The following HIGD1A variants were observed in gnomAD, a reference collection of about 807,000 sequenced individuals.
The protein encoded by HIGD1A is HIG1 hypoxia inducible domain family member 1A, also known as HIG1 domain family member 1A, mitochondrial.
HIGD1A carries 8 observed loss-of-function variants against 11.3 expected under a neutral mutation model. That is an observed-to-expected ratio of 0.71 (90% CI 0.42 to 1.28). The LOEUF is 1.28. Among genes scored for constraint, HIGD1A ranks in the 50% most tolerant of loss-of-function variants. HIGD1A has a pLI of 0.01. For synonymous variants in HIGD1A, 32 were observed against 38.4 expected (o/e 0.83, Z 0.62); for missense variants, 107 against 118.8 (o/e 0.90, Z 0.46).
rs746462774 is a variant in HIGD1A, at chr3:42,784,787, G to A, written c.*484C>T. The A allele has an allele frequency of 1.1e-3, 173 of 154,096 alleles. No individual in the cohort carries two copies. Among genetic ancestry groups the A allele is most frequent in the Non-Finnish European group, 9.4e-4 (65 of 69,174 alleles). 9.5% of individuals were successfully genotyped at this position (154,096 alleles called of 1,614,324 possible). On this transcript the variant is annotated 3_prime_UTR_variant, in exon 4 of 4. Transcript: ENST00000321331. ...CATGCATATATATTGTCAATTGTGGGAAGCTTTACAAGTTATATTCCATGC... is the reference window on the plus strand; with the variant it reads ...CATGCATATATATTGTCAATTGTGGAAAGCTTTACAAGTTATATTCCATGC...
intron 1 of HIGD1A, among the ~76,000 whole-genome samples, chr3:42,799,478 T>C (rs1212808629): frequency 6.6e-6 from 1 of 152,202 alleles, no homozygotes; most frequent in Non-Finnish European, 1.5e-5. Flanking sequence ...ATTTTTGTTT[T>C]ATGAGACAGG....
chr3:42,785,072 C>T lies in HIGD1A; in HGVS notation c.*199G>A, dbSNP rs1700333145. ...AGTTAACTTGACTTCCTTGAATGAC[C>T]TAGTTAGTAAACTAGTCACTAGTAA... On this transcript the variant is annotated 3_prime_UTR_variant, in exon 4 of 4. Transcript: ENST00000321331. The T allele has an allele frequency of 2.1e-6, 1 of 479,000 alleles. No individual in the cohort carries two copies. Among genetic ancestry groups the T allele is most frequent in the Non-Finnish European group, 3.8e-6 (1 of 262,072 alleles). The allele number at this position is 479,000 out of a possible 1,614,324, so 29.7% of individuals were successfully genotyped here.
intron 2 of HIGD1A, among the ~76,000 whole-genome samples, chr3:42,789,580 G>C (rs966585586): frequency 1.0e-5 from 1 of 97,238 alleles, no homozygotes; most frequent in Non-Finnish European, 2.3e-5. Context: ...AAAAAAAAAC[G>C]AAAAATCTCT....
intron 1 of HIGD1A, among the ~76,000 whole-genome samples, chr3:42,801,252 A>T (rs993269079): frequency 1.1e-4 from 17 of 152,230 alleles, no homozygotes; most frequent in Non-Finnish European, 2.5e-4. Flanking sequence ...CACAGTTCAC[A>T]CTGCCACTGG....
At chr3:42,796,499 G>A (rs1248314819) in intron 1 of HIGD1A, among the ~76,000 whole-genome samples, 1 of 151,682 alleles carries the variant, frequency 6.6e-6, no homozygotes, top group Non-Finnish European at 1.5e-5. Context: ...TTGCCCGCTG[G>A]CTAGACAGAG....
At chr3:42,794,091 T>A (rs1439641646) in intron 2 of HIGD1A, 66 bp downstream of exon 2, 1 of 1,475,314 alleles carries the variant, frequency 6.8e-7, no homozygotes, top group Non-Finnish European at 9.1e-7. Context: ...TTCAGGATAT[T>A]GCTAAATGAA....
At chr3:42,785,372 A>C (rs771688363) in intron 3 of HIGD1A, 52 bp from the exon 4 acceptor site, 41 of 1,481,886 alleles carry the variant, frequency 2.8e-5, no homozygotes, top group Non-Finnish European at 1.6e-5. Context: ...TAAATATTCA[A>C]AAATAAAAAC....
intron 2 of HIGD1A, among the ~76,000 whole-genome samples, chr3:42,789,648 T>C (rs1337002981): frequency 6.6e-6 from 1 of 150,850 alleles, no homozygotes; most frequent in African/African-American, 2.4e-5. Flanking sequence ...TAAATTAGAA[T>C]ATAGTTCAGA....
rs928934328 is a variant in HIGD1A at position 42,787,774 on chromosome 3, C to T, written c.98-1612G>A. On this transcript the variant is annotated intron_variant, in intron 2 of 3. Transcript: ENST00000321331. ...TCAGAAAACAACAGAATAAGAAGCC[C>T]CAAACTAAAGCTACAGAATTGCACG... Among the ~76,000 whole-genome samples, 4 of 150,126 alleles carry T rather than the reference C, an allele frequency of 2.7e-5. No individual in the cohort carries two copies. In the South Asian group the frequency reaches 8.4e-4, roughly 31 times the overall value.
At chr3:42,799,385 A>C (rs1322906992) in intron 1 of HIGD1A, among the ~76,000 whole-genome samples, 1 of 151,958 alleles carries the variant, frequency 6.6e-6, no homozygotes, top group Admixed American at 6.5e-5. Context: ...TAATTCATTA[A>C]ACCTACAAAG....
Position 42,783,608 on chromosome 3 carries a change from C to G in HIGD1A, c.*1663G>C, listed in dbSNP as rs1700308119. 2.0e-5 allele frequency among the ~76,000 whole-genome samples: 3 copies of G among 152,222 alleles called. No homozygotes were observed. The South Asian group carries it at 6.2e-4, about 32-fold the overall frequency. Reference sequence around the variant, plus strand: ...CCAGCCTCAGCAACAGAGCAAGACTCTGTCTCAAAATAAACAAACAAACAA... The same window carrying G: ...CCAGCCTCAGCAACAGAGCAAGACTGTGTCTCAAAATAAACAAACAAACAA... On this transcript the variant is annotated 3_prime_UTR_variant, in exon 4 of 4. Coordinates refer to ENST00000321331, the MANE Select transcript of HIGD1A (RefSeq NM_014056.4).
intron 2 of HIGD1A, among the ~76,000 whole-genome samples, chr3:42,792,068 G>A (rs1382024862): frequency 1.3e-5 from 2 of 152,144 alleles, no homozygotes; most frequent in African/African-American, 2.4e-5. Context: ...AATAGTTTAT[G>A]GTAGTACACA....
At chr3:42,787,195 A>G (rs1700362231) in intron 2 of HIGD1A, among the ~76,000 whole-genome samples, 1 of 152,150 alleles carries the variant, frequency 6.6e-6, no homozygotes, top group African/African-American at 2.4e-5. Flanking sequence ...TATTCATTTT[A>G]ATACAGGAAA....
chr3:42,785,299 C>T lies in HIGD1A; in HGVS notation c.254G>A (p.Arg85Gln), dbSNP rs565556493. The T allele has an allele frequency of 1.3e-5, 21 of 1,610,564 alleles. No homozygotes were observed. Among genetic ancestry groups the T allele is most frequent in the Non-Finnish European group, 1.6e-5 (19 of 1,178,702 alleles). Residue 85 changes from arginine to glutamine, a missense_variant, in exon 4 of 4, where the codon CGG (arginine) becomes CAG (glutamine). Physicochemically the swap from Arg to Gln is conservative, Grantham distance 43. Coordinates refer to ENST00000321331, the MANE Select transcript of HIGD1A (RefSeq NM_014056.4). Reference protein sequence around the residue: ...MTVGMGYSMYREFWAKPKP With the variant: ...MTVGMGYSMYQEFWAKPKP ...AGGCTTAGGTTTTGCCCAGAATTCC[C>T]GATACATGGAATAGCCCATACCTAA... is the stretch of plus-strand genomic sequence containing the variant.
intron 1 of HIGD1A, among the ~76,000 whole-genome samples, chr3:42,802,165 T>C (rs1700572698): frequency 1.3e-5 from 2 of 152,212 alleles, no homozygotes; most frequent in Non-Finnish European, 1.5e-5. Flanking sequence ...AAAAGGTTTT[T>C]TTTTTTTTCT....
chr3:42,794,431 T>A, intron 1 of HIGD1A, 156 bp from the exon 2 acceptor site: 1 of 714,900 alleles, frequency 1.4e-6, no homozygotes, highest in Non-Finnish European at 2.1e-6. Context: ...TTAACTGTAT[T>A]TTTAATGTAC....
At chr3:42,786,191 ATGCATG>A (rs773698300) in intron 2 of HIGD1A, 29 bp from the exon 3 acceptor site, 1 of 1,613,308 alleles carries the variant, frequency 6.2e-7, no homozygotes, top group South Asian at 1.1e-5. Flanking sequence ...AGTATGTCAG[ATGCATG>A]AGAAGGGACC....
rs575697664 is a variant in HIGD1A, at chr3:42,801,080, T to C, written c.-23+3356A>G. 1.7e-4 allele frequency among the ~76,000 whole-genome samples: 26 copies of C among 152,366 alleles called. No individual in the cohort carries two copies. The South Asian group carries it at 5.4e-3, about 32-fold the overall frequency. ...TAGTTTTTTATGACTCTGTCCCTAC[T>C]GGCATGAGCTGCCATCAAAGACTCA... On this transcript the variant is annotated intron_variant, in intron 1 of 3. Transcript: ENST00000321331.
intron 1 of HIGD1A, 61 bp downstream of exon 1, chr3:42,804,375 A>C (rs1700609177): frequency 1.3e-5 from 7 of 536,290 alleles, no homozygotes; most frequent in South Asian, 7.7e-5. Flanking sequence ...GCGCTGCCCC[A>C]CTTCTTCCCG....
Sources: gnomAD v4.1 joint callset for allele counts (sites outside exome capture counted in the v4.1 genomes callset) on GRCh38, gnomAD v4.1.1 for gene constraint, MANE v1.5 for transcripts, NCBI Gene and HGNC (gene_info 2026-07-23, HGNC 2026-07-21) for gene names.